The following NRP2 variants were observed in gnomAD, a reference collection of about 807,000 sequenced individuals.
The protein encoded by NRP2 is neuropilin 2, also known as neuropilin-2.
NRP2 carries 52 observed loss-of-function variants against 110.4 expected under a neutral mutation model. The ratio of observed to expected loss-of-function variants is 0.47; its 90% CI spans 0.38 to 0.59. The LOEUF is 0.59. Ranked by LOEUF, NRP2 falls within the 20% of genes least tolerant of loss-of-function variation. The probability of loss-of-function intolerance (pLI) is 0.00; values close to 1 mark genes in which losing one functional copy is unlikely to be tolerated. For missense variants in NRP2, 1,049 were observed against 1,203.0 expected (o/e 0.87, Z 1.89); for synonymous variants, 508 against 468.9 (o/e 1.08, Z -1.08).
chr2:205,686,048 C>G lies in NRP2; in HGVS notation c.73+2685C>G, dbSNP rs1202136426. Reference sequence around the variant, plus strand: ...TCCTCCTAGCCCTCCCTCCCCTTCCCCGCCCCCCAGCGCCTTCTCTAACGC... The same window carrying G: ...TCCTCCTAGCCCTCCCTCCCCTTCCGCGCCCCCCAGCGCCTTCTCTAACGC... On this transcript the variant is annotated intron_variant, in intron 1 of 16. Coordinates refer to ENST00000357785, the MANE Select transcript of NRP2 (RefSeq NM_003872.3). The surrounding 1 kb of genome is among the most constrained non-coding windows in gnomAD (Gnocchi z 4.7). Among the ~76,000 whole-genome samples the G allele has an allele frequency of 1.3e-5, 2 of 152,166 alleles. No individual in the cohort carries two copies. The highest frequency in any genetic ancestry group is 2.9e-5 in the Non-Finnish European group (2 of 68,006).
At chr2:205,704,431 A>G (rs1439303134) in intron 2 of NRP2, among the ~76,000 whole-genome samples, 6 of 152,170 alleles carry the variant, frequency 3.9e-5, no homozygotes, top group African/African-American at 7.2e-5. Context: ...AAATATTCTG[A>G]TTCCCCTAAG....
At position 205,697,592 on chromosome 2, in the gene NRP2, C is replaced by T; in HGVS notation, c.122C>T (p.Thr41Ile). 6.2e-7 allele frequency: 1 copy of T among 1,614,070 alleles called. No homozygotes were observed. Among genetic ancestry groups the T allele is most frequent in the Non-Finnish European group, 8.5e-7 (1 of 1,180,008 alleles). Residue 41 changes from threonine (T) to isoleucine (I), a missense_variant, in exon 2 of 17, where the codon ACC (threonine) becomes ATC (isoleucine). Thr to Ile is a moderately conservative substitution (Grantham distance 89). Transcript: ENST00000357785. ...AATTCCAAAGATGCTGGCTATATCA[C>T]CTCTCCCGGTTACCCCCAGGACTAC... ...RLNSKDAGYI[T>I]SPGYPQDYPS...
chr2:205,767,115 G>A, intron 15 of NRP2: 1 of 438,246 alleles, frequency 2.3e-6, no homozygotes, highest in Non-Finnish European at 4.1e-6. Context: ...CAGGGGTGGT[G>A]AGAAAGGAGA....
intron 11 of NRP2, among the ~76,000 whole-genome samples, chr2:205,752,133 G>A (rs1307168394): frequency 6.6e-6 from 1 of 152,108 alleles, no homozygotes; most frequent in African/African-American, 2.4e-5. Context: ...CAGCCTCCAG[G>A]GATTCAGCAT....
intron 15 of NRP2, chr2:205,777,625 T>C (rs753894528): frequency 9.2e-5 from 14 of 152,086 alleles, no homozygotes; most frequent in Non-Finnish European, 1.0e-4. Flanking sequence ...TGGGGTTGAG[T>C]ACGAAGGTTA....
intron 12 of NRP2, among the ~76,000 whole-genome samples, chr2:205,753,213 C>G (rs1006066535): frequency 2.6e-5 from 4 of 152,134 alleles, no homozygotes; most frequent in African/African-American, 7.2e-5. Flanking sequence ...GAAGCGGAAG[C>G]CAAGATAGAA....
At chr2:205,716,638 A>G (rs1348010501) in intron 3 of NRP2, among the ~76,000 whole-genome samples, 3 of 152,188 alleles carry the variant, frequency 2.0e-5, no homozygotes, top group Non-Finnish European at 4.4e-5. Context: ...ACAGAAAAAC[A>G]CTTCTTGAAA....
chr2:205,727,825 G>GA (rs200956862), intron 6 of NRP2, 66 bp from the exon 7 acceptor site: 29,680 of 1,510,438 alleles, frequency 0.02, 378 homozygotes, highest in Non-Finnish European at 0.024. Flanking sequence ...GTGTCCTTTG[G>GA]AAAAAAACAA....
chr2:205,683,371 A>C lies in NRP2; in HGVS notation c.73+8A>C, dbSNP rs779721117. ...AAGTGAGAGGCCAACCAGGTAAGCC[A>C]CTGAAAGTTTTTCTATTTATTGCAA... On this transcript the variant is annotated splice_region_variant and intron_variant, in intron 1 of 16. Coordinates refer to ENST00000357785, the MANE Select transcript of NRP2 (RefSeq NM_003872.3). The C allele has an allele frequency of 1.9e-6, 3 of 1,608,834 alleles. No homozygotes were observed.
chr2:205,730,219 T>C (rs79533427), intron 7 of NRP2, among the ~76,000 whole-genome samples: 4,693 of 152,356 alleles, frequency 0.031, 98 homozygotes, highest in Middle Eastern at 0.11. Flanking sequence ...TTCGTTCAGA[T>C]ATCTGTATTT....
rs751265674 is a variant in NRP2, at chr2:205,776,428, A to G, written c.2425+9625A>G. 8 of 1,613,416 alleles carry G rather than the reference A, an allele frequency of 5.0e-6. No homozygotes were observed. In the East Asian group the frequency reaches 1.6e-4, roughly 31 times the overall value. On this transcript the variant is annotated intron_variant, in intron 15 of 16. Coordinates refer to ENST00000357785, the MANE Select transcript of NRP2 (RefSeq NM_003872.3). ...TGCGGCCAAGAAGACCGATCACTCCATCACCTACAAAACCTCCCACTACAC... is the reference window on the plus strand; with the variant it reads ...TGCGGCCAAGAAGACCGATCACTCCGTCACCTACAAAACCTCCCACTACAC...
intron 15 of NRP2, chr2:205,776,457 C>A: frequency 2.5e-6 from 4 of 1,612,802 alleles, no homozygotes; most frequent in South Asian, 1.1e-5. Context: ...ACTACACCAA[C>A]GGGGCCCCTC....
At chr2:205,752,452 T>A (rs2057663628) in intron 11 of NRP2, 1 of 315,330 alleles carries the variant, frequency 3.2e-6, no homozygotes, top group Non-Finnish European at 6.1e-6. Context: ...GAGATAATAC[T>A]TTTTTTGGGA....
intron 15 of NRP2, chr2:205,776,393 G>A (rs1044190982): frequency 1.9e-6 from 3 of 1,613,410 alleles, no homozygotes; most frequent in South Asian, 2.2e-5. Context: ...CACTACCACC[G>A]GTTCCGCTAT....
At chr2:205,752,534 T>C in intron 11 of NRP2, 3 of 399,984 alleles carry the variant, frequency 7.5e-6, no homozygotes, top group South Asian at 6.7e-5. Context: ...TTCACATTTG[T>C]CTGCTCTCCG....
At chr2:205,711,386 T>G (rs1217744754) in intron 2 of NRP2, among the ~76,000 whole-genome samples, 1 of 151,972 alleles carries the variant, frequency 6.6e-6, no homozygotes, top group Non-Finnish European at 1.5e-5. Context: ...AGAAGTAAGA[T>G]GATGGTGAGA....
At chr2:205,748,248 C>T (rs2057574974) in intron 10 of NRP2, among the ~76,000 whole-genome samples, 1 of 152,186 alleles carries the variant, frequency 6.6e-6, no homozygotes, top group Non-Finnish European at 1.5e-5. Flanking sequence ...ATCTGTTTCT[C>T]ACACTCATCT....
intron 15 of NRP2, among the ~76,000 whole-genome samples, chr2:205,786,952 G>A (rs886161708): frequency 2.0e-5 from 3 of 152,068 alleles, no homozygotes; most frequent in African/African-American, 7.2e-5. Flanking sequence ...ACAGAGTTAG[G>A]GTGAAGAATG....
At chr2:205,785,046 T>C (rs1367028704) in intron 15 of NRP2, among the ~76,000 whole-genome samples, 1 of 152,240 alleles carries the variant, frequency 6.6e-6, no homozygotes, top group Non-Finnish European at 1.5e-5. Context: ...TTCATTCTCA[T>C]TCATTCTTGT....
Sources: allele counts gnomAD v4.1 joint callset (sites outside exome capture counted in the v4.1 genomes callset), GRCh38; gene constraint gnomAD v4.1.1; non-coding constraint Gnocchi (gnomAD v3.1); transcripts MANE v1.5; gene names NCBI Gene and HGNC (gene_info 2026-07-23, HGNC 2026-07-21).